METTL8: variants seen among roughly 807,000 people sequenced by gnomAD.
METTL8 encodes tRNA N(3)-cytidine methyltransferase METTL8, mitochondrial.
In METTL8, 32 loss-of-function variants were observed where a neutral mutation model predicts 48.7. The ratio of observed to expected loss-of-function variants is 0.66; its 90% CI spans 0.50 to 0.88. The LOEUF is 0.88. METTL8 is among the 40% of genes least tolerant of loss of function. The probability of loss-of-function intolerance (pLI) is 0.00; values close to 1 mark genes in which losing one functional copy is unlikely to be tolerated. For synonymous variants in METTL8, 136 were observed against 157.1 expected, an observed-to-expected ratio of 0.87 and a Z score of 1.01; for missense variants, 464 against 474.4, an observed-to-expected ratio of 0.98 and a Z score of 0.20.
At chr2:171,333,995 C>T (rs1685819357) in intron 5 of METTL8, among the ~76,000 whole-genome samples, 1 of 152,010 alleles carries the variant, frequency 6.6e-6, no homozygotes, top group Non-Finnish European at 1.5e-5. Context: ...ATTGTTGTTG[C>T]TATTATTATC....
At chr2:171,381,695 T>G (rs570628858) in intron 2 of METTL8, among the ~76,000 whole-genome samples, 1 of 151,824 alleles carries the variant, frequency 6.6e-6, no homozygotes, top group African/African-American at 2.4e-5. Context: ...AAAACCATGA[T>G]GAGATATCAT....
chr2:171,407,902 G>C (rs1214161817), intron 1 of METTL8, among the ~76,000 whole-genome samples: 2 of 152,206 alleles, frequency 1.3e-5, no homozygotes, highest in Non-Finnish European at 2.9e-5. Context: ...ATTTTGAATA[G>C]AGAAAAGTGG....
Position 171,317,865 on chromosome 2 carries a change from T to C in METTL8, c.*6307A>G, listed in dbSNP as rs1684339729. 2 of 152,240 alleles carry C rather than the reference T, an allele frequency of 1.3e-5. No homozygotes were observed. Among genetic ancestry groups the C allele is most frequent in the Admixed American group, 6.5e-5 (1 of 15,288 alleles). 9.4% of individuals were successfully genotyped at this position (152,240 alleles called of 1,614,324 possible). On this transcript the variant is annotated 3_prime_UTR_variant, in exon 10 of 10. Transcript: ENST00000375258. Reference sequence around the variant, plus strand: ...TGCCAGAATTAGGGTCACTGTGCTCTGAGACACTTTGAGATGATGCTCAAG... The same window carrying C: ...TGCCAGAATTAGGGTCACTGTGCTCCGAGACACTTTGAGATGATGCTCAAG...
At chr2:171,399,176 A>G (rs1359801201) in intron 1 of METTL8, among the ~76,000 whole-genome samples, 1 of 152,184 alleles carries the variant, frequency 6.6e-6, no homozygotes, top group Admixed American at 6.6e-5. Flanking sequence ...CCATGCCCCT[A>G]TGAGATCTTA....
chr2:171,401,529 T>C (rs1689640094), intron 1 of METTL8, among the ~76,000 whole-genome samples: 2 of 152,184 alleles, frequency 1.3e-5, no homozygotes, highest in Admixed American at 1.3e-4. Flanking sequence ...TTAGCGTTTG[T>C]TCTCCATGAC....
At chr2:171,376,943 C>G (rs1426577170) in intron 2 of METTL8, among the ~76,000 whole-genome samples, 1 of 152,142 alleles carries the variant, frequency 6.6e-6, no homozygotes, top group East Asian at 1.9e-4. Context: ...CAACTTCAAA[C>G]TATACTATCA....
At chr2:171,409,766 G>T (rs1477184197) in intron 1 of METTL8, among the ~76,000 whole-genome samples, 1 of 152,140 alleles carries the variant, frequency 6.6e-6, no homozygotes, top group Admixed American at 6.5e-5. Flanking sequence ...GAGGCATCTG[G>T]GCTAGGAATG....
At chr2:171,411,915 C>G (rs900027053) in intron 1 of METTL8, among the ~76,000 whole-genome samples, 2 of 152,136 alleles carry the variant, frequency 1.3e-5, no homozygotes, top group African/African-American at 4.8e-5. Context: ...ATAAGGAATG[C>G]TTAGAAAATA....
chr2:171,346,851 C>G (rs1687316598), intron 3 of METTL8, among the ~76,000 whole-genome samples: 1 of 152,234 alleles, frequency 6.6e-6, no homozygotes, highest in African/African-American at 2.4e-5. Context: ...CCTGAAGCCT[C>G]ACCCAGGGTG....
At chr2:171,370,258 A>G (rs1686182814) in intron 2 of METTL8, among the ~76,000 whole-genome samples, 1 of 152,176 alleles carries the variant, frequency 6.6e-6, no homozygotes, top group South Asian at 2.1e-4. Flanking sequence ...TAATAGGTCC[A>G]AACATTACTT....
chr2:171,369,881 C>G (rs529234954), intron 2 of METTL8, among the ~76,000 whole-genome samples: 1 of 152,120 alleles, frequency 6.6e-6, no homozygotes, highest in African/African-American at 2.4e-5. Flanking sequence ...GTCTGACCAA[C>G]ATGGTGAAAC....
rs766574592 is a variant in METTL8, at chr2:171,337,416, T to C, written c.656+37A>G. The C allele has an allele frequency of 4.1e-6, 6 of 1,473,786 alleles. No individual in the cohort carries two copies. In the African/African-American group the frequency reaches 4.2e-5, roughly 10 times the overall value. 91.3% of individuals were successfully genotyped at this position (1,473,786 alleles called of 1,614,324 possible). A position where few individuals can be genotyped will look rare whatever the true frequency, so the allele number is the denominator to read the frequency against. The stretch of plus-strand genomic sequence containing the variant: ...AGAATTTCTCAACATTCCATAAATA[T>C]GTAAAATTCTGTAGAAAGAAAACTC... On this transcript the variant is annotated intron_variant, in intron 5 of 9. Transcript: ENST00000375258.
chr2:171,367,450 G>A (rs1471122697), intron 2 of METTL8, among the ~76,000 whole-genome samples: 1 of 152,044 alleles, frequency 6.6e-6, no homozygotes, highest in Non-Finnish European at 1.5e-5. Context: ...TTTCAAATTT[G>A]TAAAATAAAG....
chr2:171,350,231 C>T (rs565305069), intron 3 of METTL8, among the ~76,000 whole-genome samples: 17 of 152,252 alleles, frequency 1.1e-4, no homozygotes, highest in South Asian at 6.2e-4. Flanking sequence ...TCTGTCCTCG[C>T]GACAGTTTGC....
intron 1 of METTL8, among the ~76,000 whole-genome samples, chr2:171,422,188 T>C (rs1574235571): frequency 6.6e-6 from 1 of 152,086 alleles, no homozygotes; most frequent in South Asian, 2.1e-4. Context: ...CTTGACCAGA[T>C]AGGTAACTTG....
chr2:171,334,990 A>G (rs369239952), intron 5 of METTL8, among the ~76,000 whole-genome samples: 39 of 152,356 alleles, frequency 2.6e-4, no homozygotes, highest in African/African-American at 9.1e-4. Flanking sequence ...TAATACCTTG[A>G]GATCAGTCAT....
chr2:171,344,769 T>C, intron 3 of METTL8, among the ~76,000 whole-genome samples: 1 of 152,180 alleles, frequency 6.6e-6, no homozygotes, highest in Non-Finnish European at 1.5e-5. Context: ...ACTCCATAGT[T>C]CCCAGTAATG....
At chr2:171,434,210 G>T, upstream of METTL8, 1 of 420,122 alleles carries the variant, frequency 2.4e-6, no homozygotes, top group South Asian at 1.7e-5. Flanking sequence ...CGCCTGACGG[G>T]AATTGTAGTT....
At chr2:171,354,525 G>A (rs1406204725) in intron 3 of METTL8, among the ~76,000 whole-genome samples, 3 of 152,308 alleles carry the variant, frequency 2.0e-5, no homozygotes, top group African/African-American at 7.2e-5. Flanking sequence ...GGTTGGGGAA[G>A]TTCTCCTGGA....
Sources: gnomAD v4.1 joint callset for allele counts (sites outside exome capture counted in the v4.1 genomes callset) on GRCh38, gnomAD v4.1.1 for gene constraint, MANE v1.5 for transcripts, NCBI Gene and HGNC (gene_info 2026-07-23, HGNC 2026-07-21) for gene names.